DTNA: variants seen among roughly 807,000 people sequenced by gnomAD.
The protein encoded by DTNA is dystrophin-related protein 3.
Under a neutral mutation model 100.7 loss-of-function variants are expected in DTNA, and 43 were observed. The observed-to-expected ratio is 0.43, with a 90% CI of 0.33 to 0.55. DTNA has a LOEUF of 0.55. Ranked by LOEUF, DTNA falls within the 20% of genes least tolerant of loss-of-function variation. DTNA has a pLI of 0.04. For synonymous variants in DTNA, 349 were observed against 347.9 expected, an observed-to-expected ratio of 1.00 and a Z score of -0.04; for missense variants, 798 against 953.9, an observed-to-expected ratio of 0.84 and a Z score of 2.15.
At chr18:34,631,675 G>T (rs977799197) in intron 1 of DTNA, among the ~76,000 whole-genome samples, 5 of 152,206 alleles carry the variant, frequency 3.3e-5, no homozygotes, top group Non-Finnish European at 7.3e-5. Context: ...AGTAGCAATA[G>T]AGATTTGATG....
chr18:34,690,431 AC>A (rs1176881979), intron 1 of DTNA, among the ~76,000 whole-genome samples: 1 of 151,952 alleles, frequency 6.6e-6, no homozygotes, highest in Non-Finnish European at 1.5e-5. Context: ...GCAATGCCCC[AC>A]CCTGCTTCGG....
intron 1 of DTNA, among the ~76,000 whole-genome samples, chr18:34,517,099 C>G (rs947765003): frequency 2.6e-5 from 4 of 152,110 alleles, no homozygotes; most frequent in African/African-American, 9.7e-5. Flanking sequence ...TCTGCCATGG[C>G]TTCAGCTGGT....
intron 1 of DTNA, among the ~76,000 whole-genome samples, chr18:34,696,677 G>A (rs916180795): frequency 3.9e-5 from 6 of 152,188 alleles, no homozygotes; most frequent in African/African-American, 9.7e-5. Context: ...CACCTTCCCA[G>A]CCCACTGAGT....
At chr18:34,706,113 T>C (rs767268908), upstream of DTNA, among the ~76,000 whole-genome samples, 4 of 152,090 alleles carry the variant, frequency 2.6e-5, no homozygotes, top group Non-Finnish European at 5.9e-5. Flanking sequence ...CATGCCCAGC[T>C]AATTTTGTAT....
chr18:34,683,550 C>T (rs2078423675), intron 1 of DTNA: 1 of 152,108 alleles, frequency 6.6e-6, no homozygotes. Context: ...CATGATGTTC[C>T]TTCTACCAAC....
intron 1 of DTNA, among the ~76,000 whole-genome samples, chr18:34,605,614 C>T (rs2052892063): frequency 6.9e-6 from 1 of 144,912 alleles, no homozygotes. Context: ...TTATGCAAAC[C>T]ATCAAAATTG....
chr18:34,878,058 A>G (rs908508961), intron 19 of DTNA, among the ~76,000 whole-genome samples: 6 of 151,866 alleles, frequency 4.0e-5, no homozygotes, highest in Admixed American at 3.3e-4. Flanking sequence ...CTGGTATGTC[A>G]AACACTTGGG....
chr18:34,567,003 A>G (rs1268464421), intron 1 of DTNA, among the ~76,000 whole-genome samples: 1 of 152,214 alleles, frequency 6.6e-6, no homozygotes, highest in Non-Finnish European at 1.5e-5. Flanking sequence ...TTGGAAAGAC[A>G]CTGAATAAAT....
chr18:34,875,420 T>C (rs1222528764), intron 18 of DTNA, 22 bp downstream of exon 18: 1 of 1,613,892 alleles, frequency 6.2e-7, no homozygotes, highest in East Asian at 2.2e-5. Flanking sequence ...TATTTTTTGT[T>C]GTGGTCTGCT....
At chr18:34,555,516 G>A (rs1426864791) in intron 1 of DTNA, among the ~76,000 whole-genome samples, 1 of 151,976 alleles carries the variant, frequency 6.6e-6, no homozygotes. Flanking sequence ...GACATTTAGT[G>A]CTATAAATTT....
chr18:34,867,636 C>A (rs1387118115), intron 17 of DTNA: 1 of 996,138 alleles, frequency 1.0e-6, no homozygotes, highest in Admixed American at 6.0e-5. Context: ...AGAGAGAGGG[C>A]AATCATCCTG....
intron 1 of DTNA, among the ~76,000 whole-genome samples, chr18:34,575,155 C>A (rs1366591695): frequency 2.6e-5 from 4 of 152,148 alleles, no homozygotes; most frequent in Non-Finnish European, 5.9e-5. Flanking sequence ...TTTGAAGTTT[C>A]ATTTTGATAA....
chr18:34,849,246 A>G (rs1017586206), intron 14 of DTNA, among the ~76,000 whole-genome samples: 1 of 152,254 alleles, frequency 6.6e-6, no homozygotes, highest in Non-Finnish European at 1.5e-5. Context: ...AAATTAAAAT[A>G]TAGAATCAGC....
chr18:34,641,431 C>T (rs1053077919), intron 1 of DTNA, among the ~76,000 whole-genome samples: 1 of 152,200 alleles, frequency 6.6e-6, no homozygotes, highest in East Asian at 1.9e-4. Context: ...AGACTTATTC[C>T]GTTTACCCAG....
chr18:34,556,220 T>A (rs967798941), intron 1 of DTNA, among the ~76,000 whole-genome samples: 1 of 151,650 alleles, frequency 6.6e-6, no homozygotes. Context: ...TTCCATTTGC[T>A]TGGTAGATCT....
At chr18:34,637,635 C>T (rs1231590345) in intron 1 of DTNA, among the ~76,000 whole-genome samples, 2 of 152,154 alleles carry the variant, frequency 1.3e-5, no homozygotes, top group South Asian at 2.1e-4. Context: ...TTCCTCTGAG[C>T]GTTAGAGTGC....
chr18:34,832,477 T>C (rs549103441), intron 11 of DTNA, among the ~76,000 whole-genome samples: 11 of 152,200 alleles, frequency 7.2e-5, no homozygotes, highest in African/African-American at 2.7e-4. Flanking sequence ...CCTACTAGAG[T>C]TGCTTTGGCT....
chr18:34,534,071 G>T (rs1327741768), intron 1 of DTNA, among the ~76,000 whole-genome samples: 1 of 152,126 alleles, frequency 6.6e-6, no homozygotes, highest in African/African-American at 2.4e-5. Flanking sequence ...TCTTGGCTGG[G>T]CATGGTGGCT....
intron 1 of DTNA, among the ~76,000 whole-genome samples, chr18:34,753,444 G>A (rs1361667648): frequency 7.5e-6 from 1 of 133,346 alleles, no homozygotes; most frequent in Non-Finnish European, 1.5e-5. Flanking sequence ...GTGCAGTGGC[G>A]GGATCTCGGC....
Sources: allele counts gnomAD v4.1 joint callset (sites outside exome capture counted in the v4.1 genomes callset), GRCh38; gene constraint gnomAD v4.1.1; transcripts MANE v1.5; gene names NCBI Gene and HGNC (gene_info 2026-07-23, HGNC 2026-07-21).